NFX1: variants seen among roughly 807,000 people sequenced by gnomAD.
NFX1 encodes the protein nuclear transcription factor, X-box binding 1.
A neutral mutation model predicts 137.2 loss-of-function variants in NFX1; 69 were observed. The ratio of observed to expected loss-of-function variants is 0.50; its 90% CI spans 0.41 to 0.61. The LOEUF (loss-of-function observed/expected upper bound fraction) is 0.61. Ranked by LOEUF, NFX1 falls within the 20% of genes least tolerant of loss-of-function variation. The pLI, the probability that NFX1 is intolerant of heterozygous loss-of-function variation, is 0.00. For missense variants in NFX1, 1,167 were observed against 1,391.0 expected, an observed-to-expected ratio of 0.84 and a Z score of 2.56; for synonymous variants, 495 against 474.1, an observed-to-expected ratio of 1.04 and a Z score of -0.57.
chr9:33,319,141 G>T lies in NFX1; in HGVS notation c.1906+14G>T, dbSNP rs754499988. 1.5e-4 allele frequency: 234 copies of T among 1,611,020 alleles called. 2 individuals are homozygous for T. The South Asian group carries it at 2.4e-3, about 17-fold the overall frequency. On this transcript the variant is annotated intron_variant, in intron 9 of 23. Transcript: ENST00000379540. ...GTGGTTCCTTAGGTAACTAGTAAGC[G>T]TAAAGTTGGCTTTAAAAATATTATT...
Position 33,313,646 on chromosome 9 carries a change from C to T in NFX1, c.1449-8C>T. The T allele has an allele frequency of 6.2e-7, 1 of 1,613,922 alleles. No homozygotes were observed. Among genetic ancestry groups the T allele is most frequent in the Non-Finnish European group, 8.5e-7 (1 of 1,179,852 alleles). ...CTGATGCTGTCTTTACATCTATTGTCTTTACAGGCACACAGTTCGCTGTGG... is the reference window on the plus strand; with the variant it reads ...CTGATGCTGTCTTTACATCTATTGTTTTTACAGGCACACAGTTCGCTGTGG... On this transcript the variant is annotated splice_region_variant and splice_polypyrimidine_tract_variant and intron_variant, in intron 6 of 23. Transcript: ENST00000379540.
At chr9:33,325,577 T>C (rs1822553526) in intron 9 of NFX1, among the ~76,000 whole-genome samples, 1 of 151,982 alleles carries the variant, frequency 6.6e-6, no homozygotes, top group African/African-American at 2.4e-5. Context: ...GGCAGGAGAA[T>C]GGCATGAACC....
rs1822053176 is a variant in NFX1, at chr9:33,313,818, CA to C, written c.1588+27del. ...GGTAAGTGGTGGGCACACCAGCTAG[CA>C]ATGCTTGTGTTCTTTTCTGGAACCT... is the stretch of plus-strand genomic sequence containing the variant. On this transcript the variant is annotated intron_variant, in intron 7 of 23. Coordinates refer to ENST00000379540, the MANE Select transcript of NFX1 (RefSeq NM_002504.6). 4 of 1,603,702 alleles carry C rather than the reference CA, an allele frequency of 2.5e-6. No individual in the cohort carries two copies. The African/African-American group carries it at 5.4e-5, about 21-fold the overall frequency.
Position 33,295,078 on chromosome 9 carries a change from G to A in NFX1, c.684G>A (p.Leu228=). Residue 228 remains leucine (L), a synonymous_variant, in exon 2 of 24, where the codon TTG becomes TTA. Coordinates refer to ENST00000379540, the MANE Select transcript of NFX1 (RefSeq NM_002504.6). ...AGGCATCCTCTAGAAAAGGAGTATT[G>A]GATGGGTATGGAGCCAGACGAAATG... The part of the protein sequence containing the change: ...SSEASSRKGV[L]DGYGARRNEQ... The A allele has an allele frequency of 6.2e-7, 1 of 1,614,136 alleles. No homozygotes were observed. The highest frequency in any genetic ancestry group is 8.5e-7 in the Non-Finnish European group (1 of 1,180,040).
chr9:33,303,251 C>G lies in NFX1; in HGVS notation c.1253C>G (p.Thr418Ser), dbSNP rs796219218. Residue 418 changes from threonine (T) to serine (S), a missense_variant, in exon 4 of 24, where the codon ACC (threonine) becomes AGC (serine). Physicochemically the swap from Thr to Ser is moderately conservative, Grantham distance 58 (BLOSUM62 1). Transcript: ENST00000379540. Reference protein sequence around the residue: ...CQNVSAHVPNTYTCFCGKVKN... With the variant: ...CQNVSAHVPNSYTCFCGKVKN... ...AATGTTTCTGCACATGTTCCTAATACCTACACTTGTTTCTGTGGTAAGTTT... is the reference window on the plus strand; with the variant it reads ...AATGTTTCTGCACATGTTCCTAATAGCTACACTTGTTTCTGTGGTAAGTTT... 3 of 1,613,878 alleles carry G rather than the reference C, an allele frequency of 1.9e-6. No individual in the cohort carries two copies. The highest frequency in any genetic ancestry group is 3.3e-5 in the Admixed American group (2 of 59,990).
intron 22 of NFX1, among the ~76,000 whole-genome samples, 159 bp from the exon 23 acceptor site, chr9:33,367,356 G>A (rs1393543751): frequency 6.6e-6 from 1 of 152,166 alleles, no homozygotes; most frequent in Non-Finnish European, 1.5e-5. Context: ...AAGGGACAGG[G>A]GGTTAAATGC....
rs1821941685 is a variant in NFX1 at position 33,311,048 on chromosome 9, C to G, written c.1377-58C>G. 6 of 1,539,344 alleles carry G rather than the reference C, an allele frequency of 3.9e-6. No homozygotes were observed. The African/African-American group carries it at 4.1e-5, about 11-fold the overall frequency. On this transcript the variant is annotated intron_variant, in intron 5 of 23. Transcript: ENST00000379540. ...TCACAATAAGACCCAGCTGGGACAG[C>G]TTTGTTCGGGTTTGGATACATGGCT...
intron 9 of NFX1, 109 bp downstream of exon 9, chr9:33,319,236 C>T: frequency 1.1e-6 from 1 of 885,592 alleles, no homozygotes; most frequent in South Asian, 1.6e-5. Context: ...TCAGAGGTTT[C>T]TAAATATTAT....
chr9:33,304,328 G>A (rs1158960452), intron 4 of NFX1, among the ~76,000 whole-genome samples: 1 of 152,120 alleles, frequency 6.6e-6, no homozygotes, highest in Non-Finnish European at 1.5e-5. Context: ...CATATCTAGG[G>A]CTGATTTTAT....
chr9:33,329,902 T>C (rs368181444), intron 10 of NFX1, among the ~76,000 whole-genome samples: 3 of 151,952 alleles, frequency 2.0e-5, no homozygotes, highest in East Asian at 3.9e-4. Flanking sequence ...CAAGTGATCC[T>C]CCTGCCTCAG....
rs949237993 is a variant in NFX1 at position 33,352,794 on chromosome 9, C to T, written c.2729+75C>T. The T allele has an allele frequency of 7.7e-6, 10 of 1,294,146 alleles. No individual in the cohort carries two copies. The African/African-American group carries it at 1.5e-4, about 20-fold the overall frequency. 80.2% of individuals were successfully genotyped at this position (1,294,146 alleles called of 1,614,324 possible). A position where few individuals can be genotyped will look rare whatever the true frequency, so the allele number is the denominator to read the frequency against. On this transcript the variant is annotated intron_variant, in intron 17 of 23. Transcript: ENST00000379540. Reference sequence around the variant, plus strand: ...CATGTGTTTTGTTTTGTTTTTAAAGCTAGTCAAGTGAAGCAGTGGGAGTGG... The same window carrying T: ...CATGTGTTTTGTTTTGTTTTTAAAGTTAGTCAAGTGAAGCAGTGGGAGTGG...
rs1823738547 is a variant in NFX1, at chr9:33,354,188, G to A, written c.2831+1G>A. 3 of 1,609,976 alleles carry A rather than the reference G, an allele frequency of 1.9e-6. No homozygotes were observed. The South Asian group carries it at 3.3e-5, about 18-fold the overall frequency. The stretch of plus-strand genomic sequence containing the variant: ...CCAAAAAGGAAGTTCATCAAGCCAG[G>A]TAATTTTTAAAATGCATATATGTGC... On this transcript the variant is annotated splice_donor_variant, in intron 18 of 23. Coordinates refer to ENST00000379540, the MANE Select transcript of NFX1 (RefSeq NM_002504.6). LOFTEE classifies it high-confidence loss of function.
chr9:33,366,124 C>G (rs1824162778), intron 21 of NFX1: 2 of 154,254 alleles, frequency 1.3e-5, no homozygotes, highest in Non-Finnish European at 2.9e-5. Flanking sequence ...GTTACCACTT[C>G]CCAGCAGAAT....
intron 4 of NFX1, among the ~76,000 whole-genome samples, chr9:33,306,258 A>G (rs527309826): frequency 6.6e-6 from 1 of 152,266 alleles, no homozygotes; most frequent in South Asian, 2.1e-4. Context: ...AGCGTGTGTG[A>G]CTCTGACAGA....
rs1183467772 is a variant in NFX1 at position 33,347,125 on chromosome 9, T to G, written c.2424+8T>G. On this transcript the variant is annotated splice_region_variant and intron_variant, in intron 15 of 23. Coordinates refer to ENST00000379540, the MANE Select transcript of NFX1 (RefSeq NM_002504.6). The stretch of plus-strand genomic sequence containing the variant: ...TGCATGGGCAAGCATGAGGTAAGTT[T>G]TCTCTCTCAAGTGCTCATTGTTCCA... The G allele has an allele frequency of 3.1e-6, 5 of 1,607,368 alleles. No homozygotes were observed. The highest frequency in any genetic ancestry group is 4.3e-6 in the Non-Finnish European group (5 of 1,174,454).
intron 21 of NFX1, chr9:33,365,088 A>G (rs1281196988): frequency 1.1e-5 from 7 of 627,304 alleles, no homozygotes; most frequent in Middle Eastern, 6.6e-4. Context: ...AGCTTGGCCA[A>G]CATGACGAAA....
intron 19 of NFX1, among the ~76,000 whole-genome samples, chr9:33,358,271 C>G (rs543549348): frequency 6.6e-6 from 1 of 151,964 alleles, no homozygotes; most frequent in East Asian, 1.9e-4. Flanking sequence ...ACTGCAGGTG[C>G]CCACCACTAC....
At chr9:33,337,206 C>T (rs1432865325) in intron 11 of NFX1, among the ~76,000 whole-genome samples, 1 of 152,158 alleles carries the variant, frequency 6.6e-6, no homozygotes, top group Admixed American at 6.6e-5. Context: ...TGGATTCAAC[C>T]AACCACAGAT....
At chr9:33,362,700 T>TTTG (rs1824036418) in intron 19 of NFX1, among the ~76,000 whole-genome samples, 1 of 138,906 alleles carries the variant, frequency 7.2e-6, no homozygotes, top group African/African-American at 2.7e-5. Context: ...TGGTTTTTTT[T>TTTG]TTTTTTTTTT....
Sources: gnomAD v4.1 joint callset for allele counts (sites outside exome capture counted in the v4.1 genomes callset) on GRCh38, gnomAD v4.1.1 for gene constraint, MANE v1.5 for transcripts, NCBI Gene and HGNC (gene_info 2026-07-23, HGNC 2026-07-21) for gene names.